PNLIP: variants seen among roughly 807,000 people sequenced by gnomAD.
The protein encoded by PNLIP is pancreatic lipase.
A neutral mutation model predicts 57.1 loss-of-function variants in PNLIP; 49 were observed. That is an observed-to-expected ratio of 0.86 (90% CI 0.68 to 1.09). The LOEUF is 1.09. PNLIP is among the 50% of genes least tolerant of loss of function. The pLI is 0.00. For missense variants in PNLIP, 503 were observed against 570.2 expected, an observed-to-expected ratio of 0.88 and a Z score of 1.20; for synonymous variants, 209 against 200.4, an observed-to-expected ratio of 1.04 and a Z score of -0.36.
At chr10:116,567,291 G>T (rs1444077379) in intron 12 of PNLIP, among the ~76,000 whole-genome samples, 4 of 150,600 alleles carry the variant, frequency 2.7e-5, no homozygotes, top group African/African-American at 9.8e-5. Context: ...GGGAAAGAAG[G>T]CATATTGTTC....
intron 4 of PNLIP, among the ~76,000 whole-genome samples, chr10:116,549,403 C>G (rs567941379): frequency 6.6e-6 from 1 of 151,964 alleles, no homozygotes; most frequent in Non-Finnish European, 1.5e-5. Context: ...CGCTTGAACC[C>G]GGGAGGCAGA....
At chr10:116,558,504 A>AT (rs1847280123) in intron 9 of PNLIP, among the ~76,000 whole-genome samples, 1 of 151,680 alleles carries the variant, frequency 6.6e-6, no homozygotes, top group African/African-American at 2.4e-5. Context: ...AACTTATGCA[A>AT]TCTTTCTAAA....
In PNLIP at chr10:116,561,341, A is replaced by G. The variant is rs111571582; in HGVS notation, c.1170-131A>G. The stretch of plus-strand genomic sequence containing the variant: ...GTACTGCCAATCACCTTAGCCAGAA[A>G]TGCATTGTAAGCTGGTCTTAGAAAC... On this transcript the variant is annotated intron_variant, in intron 11 of 12. Coordinates refer to ENST00000369221, the MANE Select transcript of PNLIP (RefSeq NM_000936.4). The G allele has an allele frequency of 5.2e-6, 3 of 579,546 alleles. No individual in the cohort carries two copies. The African/African-American group carries it at 5.7e-5, about 11-fold the overall frequency. The allele number at this position is 579,546 out of a possible 1,614,324, so 35.9% of individuals were successfully genotyped here.
intron 9 of PNLIP, among the ~76,000 whole-genome samples, chr10:116,557,213 A>C (rs1399763811): frequency 6.6e-6 from 1 of 152,184 alleles, no homozygotes; most frequent in Non-Finnish European, 1.5e-5. Flanking sequence ...AATGGGGGAA[A>C]AAAATAAAGA....
chr10:116,560,378 T>C, intron 10 of PNLIP, 38 bp from the exon 11 acceptor site: 1 of 1,053,494 alleles, frequency 9.5e-7, no homozygotes, highest in Non-Finnish European at 1.4e-6. Flanking sequence ...GTGTCTTTTA[T>C]CTCCAAACTG....
intron 5 of PNLIP, among the ~76,000 whole-genome samples, chr10:116,551,490 G>A (rs1002012247): frequency 3.9e-5 from 6 of 151,936 alleles, no homozygotes; most frequent in African/African-American, 1.5e-4. Context: ...TAAATTCCAC[G>A]AGTATTTGTT....
intron 6 of PNLIP, among the ~76,000 whole-genome samples, 162 bp downstream of exon 6, chr10:116,554,000 A>G (rs961991782): frequency 1.3e-5 from 2 of 152,052 alleles, no homozygotes; most frequent in Non-Finnish European, 2.9e-5. Flanking sequence ...TGCAGCCTGT[A>G]TGTGATTTAA....
In PNLIP at chr10:116,561,516, C is replaced by A. The variant is rs1847315177; in HGVS notation, c.1214C>A (p.Ser405Ter). 1.2e-6 allele frequency: 2 copies of A among 1,613,688 alleles called. No homozygotes were observed. Among genetic ancestry groups the A allele is most frequent in the Admixed American group, 1.7e-5 (1 of 59,986 alleles). ...AGTACTCATTCCAATGAATTTGACT[C>A]AGATGTGGATGTTGGGGACTTGCAG... ...PDSTHSNEFD[S>*]DVDVGDLQMV... is the part of the protein sequence containing the mutation. The change falls in exon 12 of 13, where the codon TCA becomes TAA. Residue 405 changes from serine (S) to a stop codon, truncating the protein, a stop_gained. Coordinates refer to ENST00000369221, the MANE Select transcript of PNLIP (RefSeq NM_000936.4). LOFTEE classifies it high-confidence loss of function.
intron 9 of PNLIP, among the ~76,000 whole-genome samples, chr10:116,557,621 C>A (rs945508172): frequency 6.6e-6 from 1 of 152,156 alleles, no homozygotes; most frequent in African/African-American, 2.4e-5. Context: ...CTGGCTTAGG[C>A]AACACCTGGA....
intron 10 of PNLIP, 84 bp from the exon 11 acceptor site, chr10:116,560,332 C>T (rs572012950): frequency 4.0e-5 from 26 of 652,946 alleles, no homozygotes; most frequent in Non-Finnish European, 6.1e-5. Context: ...TTATTCAAAA[C>T]GTGGCAGTAG....
In PNLIP at chr10:116,548,411, A is replaced by G. The variant is rs1321729843; in HGVS notation, c.253A>G (p.Arg85Gly). 5 of 1,614,128 alleles carry G rather than the reference A, an allele frequency of 3.1e-6. No individual in the cohort carries two copies. The highest frequency in any genetic ancestry group is 3.3e-4 in the Middle Eastern group (2 of 6,062). ...CAGTGGCTCCAATTTCAAAACAAATAGAAAAACTCGCTTTATTATTCATGG... is the reference window on the plus strand; with the variant it reads ...CAGTGGCTCCAATTTCAAAACAAATGGAAAAACTCGCTTTATTATTCATGG... ...SISGSNFKTN[R>G]KTRFIIHGFI... is the part of the protein sequence containing the mutation. The change falls in exon 4 of 13, where the codon AGA becomes GGA. Residue 85 changes from arginine (R) to glycine (G), a missense_variant. Physicochemically the swap from Arg to Gly is moderately radical, Grantham distance 125 (BLOSUM62 -2). Coordinates refer to ENST00000369221, the MANE Select transcript of PNLIP (RefSeq NM_000936.4).
intron 5 of PNLIP, 106 bp from the exon 6 acceptor site, chr10:116,553,621 A>T: frequency 1.4e-6 from 1 of 723,152 alleles, no homozygotes; most frequent in Non-Finnish European, 2.5e-6. Context: ...TGATGTTCCC[A>T]CAACAATGAA....
chr10:116,553,864 AGGG>A (rs772266388), intron 6 of PNLIP, 26 bp downstream of exon 6: 1 of 1,398,690 alleles, frequency 7.1e-7, no homozygotes, highest in Non-Finnish European at 1.0e-6. Flanking sequence ...GAAAGATACC[AGGG>A]GGGTTGAGGC....
rs1325964249 is a variant in PNLIP at position 116,555,611 on chromosome 10, CA to C, written c.811+105del. ...GGAATTGTACAGGTCTCACATTTTA[CA>C]TAACAAAAGACTTTTAATTGTATCC... is the stretch of plus-strand genomic sequence containing the variant. On this transcript the variant is annotated intron_variant, in intron 8 of 12. Transcript: ENST00000369221. 1.3e-5 allele frequency: 17 copies of C among 1,276,002 alleles called. No individual in the cohort carries two copies. The Middle Eastern group carries it at 7.1e-4, about 54-fold the overall frequency. The allele number at this position is 1,276,002 out of a possible 1,614,324, so 79.0% of individuals were successfully genotyped here. A position where few individuals can be genotyped will look rare whatever the true frequency, so the allele number is the denominator to read the frequency against.
At position 116,556,061 on chromosome 10, in the gene PNLIP, C is replaced by T. The variant is rs1235393329; in HGVS notation, c.873C>T (p.Ile291=). 4 of 1,613,924 alleles carry T rather than the reference C, an allele frequency of 2.5e-6. No homozygotes were observed. Among genetic ancestry groups the T allele is most frequent in the South Asian group, 2.2e-5 (2 of 91,070 alleles). ...GCTACAAATATTACACTGATAGCAT[C>T]GTCAACCCTGATGGCTTTGCTGGAT... ...LRSYKYYTDS[I]VNPDGFAGFP... The change falls in exon 9 of 13, where the codon ATC becomes ATT. Residue 291 remains isoleucine (I), a synonymous_variant. Coordinates refer to ENST00000369221, the MANE Select transcript of PNLIP (RefSeq NM_000936.4).
intron 12 of PNLIP, 35 bp downstream of exon 12, chr10:116,561,671 C>T (rs747994569): frequency 8.9e-6 from 14 of 1,566,412 alleles, no homozygotes; most frequent in Middle Eastern, 3.4e-4. Context: ...TGTGAAATAT[C>T]GAGTCTGTGT....
At chr10:116,548,582 C>G in intron 4 of PNLIP, 100 bp downstream of exon 4, 1 of 1,314,440 alleles carries the variant, frequency 7.6e-7, no homozygotes, top group East Asian at 2.4e-5. Flanking sequence ...GCTTGGAGGT[C>G]TTGGAGGATA....
intron 5 of PNLIP, 30 bp downstream of exon 5, chr10:116,551,262 G>C: frequency 2.3e-6 from 3 of 1,305,412 alleles, no homozygotes; most frequent in Non-Finnish European, 3.0e-6. Context: ...ATAAAAGCCT[G>C]TACACATGGT....
In PNLIP at chr10:116,551,259, C is replaced by T. The variant is rs556734126; in HGVS notation, c.459+27C>T. On this transcript the variant is annotated intron_variant, in intron 5 of 12. Transcript: ENST00000369221. ...TAATTACTCCCGGATTGCATAAAAG[C>T]CTGTACACATGGTTTTCCAGATTAT... 5.3e-6 allele frequency: 8 copies of T among 1,505,148 alleles called. No individual in the cohort carries two copies. In the African/African-American group the frequency reaches 1.0e-4, roughly 19 times the overall value. The allele number at this position is 1,505,148 out of a possible 1,614,324, so 93.2% of individuals were successfully genotyped here.
Sources: gnomAD v4.1 joint callset for allele counts (sites outside exome capture counted in the v4.1 genomes callset) on GRCh38, gnomAD v4.1.1 for gene constraint, MANE v1.5 for transcripts, NCBI Gene and HGNC (gene_info 2026-07-23, HGNC 2026-07-21) for gene names.